Variants in LTK observed in about 807,000 individuals in gnomAD.
The protein encoded by LTK is leukocyte tyrosine kinase receptor.
A neutral mutation model predicts 101.5 loss-of-function variants in LTK; 117 were observed. That is an observed-to-expected ratio of 1.15 (90% CI 0.99 to 1.34). LTK has a LOEUF of 1.34. Ranked by LOEUF, LTK falls within the 40% of genes most tolerant of loss-of-function variation. The pLI is 0.00. For missense variants in LTK, 1,252 were observed against 1,164.7 expected, an observed-to-expected ratio of 1.07 and a Z score of -1.09; for synonymous variants, 563 against 494.2, an observed-to-expected ratio of 1.14 and a Z score of -1.85.
chr15:41,511,227 C>A lies in LTK; in HGVS notation c.934G>T (p.Ala312Ser). 1 of 1,402,434 alleles carries A rather than the reference C, an allele frequency of 7.1e-7. No homozygotes were observed. 86.9% of individuals were successfully genotyped at this position (1,402,434 alleles called of 1,614,324 possible). A position where few individuals can be genotyped will look rare whatever the true frequency, so the allele number is the denominator to read the frequency against. ...CCGCCGCCGCCCCCGAAGCCGCCGG[C>A]CGCGGCCCAGCCAAGGGTCGCCCAA... ...EAWATLGWAA[A>S]GGFGGGGGAC... is the part of the protein sequence containing the mutation. The change falls in exon 7 of 20, where the codon GCC (alanine) becomes TCC (serine). Residue 312 changes from alanine to serine, a missense_variant. Coordinates refer to ENST00000263800, the MANE Select transcript of LTK (RefSeq NM_002344.6). The surrounding 1 kb of genome is among the most constrained non-coding windows in gnomAD (Gnocchi z 5.9).
chr15:41,512,228 T>C lies in LTK; in HGVS notation c.397A>G (p.Lys133Glu), dbSNP rs1002984932. The C allele has an allele frequency of 1.2e-6, 2 of 1,612,796 alleles. No individual in the cohort carries two copies. The highest frequency in any genetic ancestry group is 8.5e-7 in the Non-Finnish European group (1 of 1,179,772). ...CCATGCGCCCGCGACAGGTGGTTCT[T>C]GGCGCCTTTGCCGCCCGCGGCTCCG... ...AYGAAGGKGA[K>E]NHLSRAHGVF... Residue 133 changes from lysine (K) to glutamate (E), a missense_variant, in exon 4 of 20, where the codon AAG (lysine) becomes GAG (glutamate). Coordinates refer to ENST00000263800, the MANE Select transcript of LTK (RefSeq NM_002344.6).
intron 1 of LTK, among the ~76,000 whole-genome samples, 192 bp from the exon 2 acceptor site, chr15:41,513,312 T>G (rs561558405): frequency 6.6e-6 from 1 of 152,262 alleles, no homozygotes; most frequent in East Asian, 1.9e-4. Flanking sequence ...CTGATAGGTC[T>G]GCCAGTTTCT....
chr15:41,506,985 A>G, intron 11 of LTK, 110 bp downstream of exon 11: 1 of 1,046,810 alleles, frequency 9.6e-7, no homozygotes, highest in South Asian at 1.5e-5. Context: ...CCCTTACACA[A>G]GGGATGTGGG....
chr15:41,505,684 TC>T (rs2051253936), intron 13 of LTK, 28 bp downstream of exon 13: 2 of 1,613,066 alleles, frequency 1.2e-6, no homozygotes, highest in Non-Finnish European at 1.7e-6. Flanking sequence ...CCTCCCGCCT[TC>T]CAGCCCTGCC....
chr15:41,511,363 GGA>G lies in LTK; in HGVS notation c.815-19_815-18del, dbSNP rs759877074. ...CCCCACCACCTGCAGAGCGACAGCA[GGA>G]AGGTTGGCAGCCACACGGGGAGCAC... On this transcript the variant is annotated intron_variant, in intron 6 of 19. Coordinates refer to ENST00000263800, the MANE Select transcript of LTK (RefSeq NM_002344.6). The surrounding 1 kb of genome is among the most constrained non-coding windows in gnomAD (Gnocchi z 5.9). The G allele has an allele frequency of 2.2e-6, 3 of 1,361,848 alleles. No homozygotes were observed. The highest frequency in any genetic ancestry group is 4.7e-4 in the Middle Eastern group (2 of 4,296). 84.4% of individuals were successfully genotyped at this position (1,361,848 alleles called of 1,614,324 possible).
In LTK at chr15:41,513,674, T is replaced by A. The variant is rs780525139; in HGVS notation, c.36A>T (p.Gly12=). Residue 12 remains glycine (G), a synonymous_variant, in exon 1 of 20, where the codon GGA becomes GGT. Coordinates refer to ENST00000263800, the MANE Select transcript of LTK (RefSeq NM_002344.6). ...CCGCCAGATAGCACTTACCCGCGGC[T>A]CCGAACCACACCAGCAGCTGTCCCC... is the stretch of plus-strand genomic sequence containing the variant. The part of the protein sequence containing the change: ...GCWGQLLVWF[G]AAGAILCSSP... 6.2e-7 allele frequency: 1 copy of A among 1,612,716 alleles called. No homozygotes were observed. The highest frequency in any genetic ancestry group is 8.5e-7 in the Non-Finnish European group (1 of 1,179,648).
chr15:41,506,489 G>A (rs2051288553), intron 11 of LTK, among the ~76,000 whole-genome samples: 1 of 151,776 alleles, frequency 6.6e-6, no homozygotes, highest in Admixed American at 6.6e-5. Context: ...GTTTTTAGTA[G>A]ACACAGGGTT....
intron 11 of LTK, 131 bp from the exon 12 acceptor site, chr15:41,506,136 A>C: frequency 6.6e-6 from 4 of 605,112 alleles, no homozygotes; most frequent in Non-Finnish European, 6.0e-6. Flanking sequence ...TCTCCATACC[A>C]TGGCATGTCC....
rs758874896 is a variant in LTK, at chr15:41,511,220, C to A, written c.941G>T (p.Gly314Val). The change falls in exon 7 of 20, where the codon GGC becomes GTC. Residue 314 changes from glycine (G) to valine (V), a missense_variant. Coordinates refer to ENST00000263800, the MANE Select transcript of LTK (RefSeq NM_002344.6). This position sits in a 1 kb window ranked among gnomAD's most constrained non-coding sequence, Gnocchi z 5.9. Reference protein sequence around the residue: ...WATLGWAAAGGFGGGGGACTA... With the variant: ...WATLGWAAAGVFGGGGGACTA... Reference sequence around the variant, plus strand: ...GCAGGCCCCGCCGCCGCCCCCGAAGCCGCCGGCCGCGGCCCAGCCAAGGGT... The same window carrying A: ...GCAGGCCCCGCCGCCGCCCCCGAAGACGCCGGCCGCGGCCCAGCCAAGGGT... The A allele has an allele frequency of 7.2e-7, 1 of 1,392,462 alleles. No individual in the cohort carries two copies. Among genetic ancestry groups the A allele is most frequent in the African/African-American group, 1.5e-5 (1 of 65,720 alleles). The allele number at this position is 1,392,462 out of a possible 1,614,324, so 86.3% of individuals were successfully genotyped here.
intron 8 of LTK, 99 bp from the exon 9 acceptor site, chr15:41,508,320 G>T: frequency 9.5e-7 from 1 of 1,055,442 alleles, no homozygotes; most frequent in African/African-American, 1.6e-5. Context: ...TATAATCATT[G>T]CACTTTGGGA....
Position 41,505,299 on chromosome 15 carries a change from G to A in LTK, c.1834C>T (p.Pro612Ser). The part of the protein sequence containing the change: ...LRHSRPHLGQ[P>S]SPLVMRDLLQ... ...AGGTCCCGCATGACCAGAGGTGATG[G>A]CTGGCCCTGGGTCAGGCAGAGGGGG... Residue 612 changes from proline (P) to serine (S), a missense_variant, in exon 15 of 20, where the codon CCA (proline) becomes TCA (serine). By Grantham distance (74) the Pro-to-Ser change is moderately conservative. Transcript: ENST00000263800. 6.2e-7 allele frequency: 1 copy of A among 1,613,898 alleles called. No homozygotes were observed. Among genetic ancestry groups the A allele is most frequent in the Non-Finnish European group, 8.5e-7 (1 of 1,179,884 alleles).
rs1214263451 is a variant in LTK at position 41,507,783 on chromosome 15, G to A, written c.1250-126C>T. ...CCATGATGCCTTCCCCCATTATCCTGGGCAAAAGCAACCTCTCCCTCTTGA... is the reference window on the plus strand; with the variant it reads ...CCATGATGCCTTCCCCCATTATCCTAGGCAAAAGCAACCTCTCCCTCTTGA... On this transcript the variant is annotated intron_variant, in intron 9 of 19. Transcript: ENST00000263800. The A allele has an allele frequency of 2.8e-6, 3 of 1,061,992 alleles. No homozygotes were observed. In the African/African-American group the frequency reaches 4.8e-5, roughly 17 times the overall value. The allele number at this position is 1,061,992 out of a possible 1,614,324, so 65.8% of individuals were successfully genotyped here.
At chr15:41,513,540 G>A in intron 1 of LTK, 127 bp downstream of exon 1, 2 of 869,116 alleles carry the variant, frequency 2.3e-6, no homozygotes, top group Non-Finnish European at 3.9e-6. Flanking sequence ...ACGGACCGGA[G>A]AAATTTGGCT....
chr15:41,512,231 C>A lies in LTK; in HGVS notation c.394G>T (p.Ala132Ser), dbSNP rs763872314. 2.5e-6 allele frequency: 4 copies of A among 1,612,732 alleles called. No individual in the cohort carries two copies. The highest frequency in any genetic ancestry group is 1.3e-5 in the African/African-American group (1 of 74,922). Residue 132 changes from alanine to serine, a missense_variant, in exon 4 of 20, where the codon GCC (alanine) becomes TCC (serine). By Grantham distance (99) the Ala-to-Ser change is moderately conservative. Transcript: ENST00000263800. ...SAYGAAGGKG[A>S]KNHLSRAHGV... ...TGCGCCCGCGACAGGTGGTTCTTGG[C>A]GCCTTTGCCGCCCGCGGCTCCGTAG...
chr15:41,508,352 G>A lies in LTK; in HGVS notation c.1097-131C>T, dbSNP rs149981027. ...GGGAGGCCGTGGTGAGCGGATCACC[G>A]GAGGTCAGAAGTTCAAGACCAGCCT... On this transcript the variant is annotated intron_variant, in intron 8 of 19. Transcript: ENST00000263800. The A allele has an allele frequency of 8.6e-4, 598 of 694,784 alleles. 8 individuals carry two copies. In the East Asian group the frequency reaches 0.016, roughly 19 times the overall value. 43.0% of individuals were successfully genotyped at this position (694,784 alleles called of 1,614,324 possible). A position where few individuals can be genotyped will look rare whatever the true frequency, so the allele number is the denominator to read the frequency against.
rs755663662 is a variant in LTK at position 41,513,676 on chromosome 15, C to G, written c.34G>C (p.Gly12Arg). Residue 12 changes from glycine (G) to arginine (R), a missense_variant, in exon 1 of 20, where the codon GGA (glycine) becomes CGA (arginine). Gly to Arg is a moderately radical substitution (Grantham distance 125). Coordinates refer to ENST00000263800, the MANE Select transcript of LTK (RefSeq NM_002344.6). ...GCCAGATAGCACTTACCCGCGGCTCCGAACCACACCAGCAGCTGTCCCCAG... is the reference window on the plus strand; with the variant it reads ...GCCAGATAGCACTTACCCGCGGCTCGGAACCACACCAGCAGCTGTCCCCAG... ...GCWGQLLVWF[G>R]AAGAILCSSP... 1.2e-6 allele frequency: 2 copies of G among 1,613,374 alleles called. No homozygotes were observed. The highest frequency in any genetic ancestry group is 2.7e-5 in the African/African-American group (2 of 74,902).
rs1022621666 is a variant in LTK at position 41,505,150 on chromosome 15, G to A, written c.1925+58C>T. 1.3e-5 allele frequency: 20 copies of A among 1,585,324 alleles called. No homozygotes were observed. The African/African-American group carries it at 2.4e-4, about 19-fold the overall frequency. ...ATTTCCTTAAAAGCTGTGTGGAAGG[G>A]CTGTTCCTTGGGGAGGGAGTTGGGA... On this transcript the variant is annotated intron_variant, in intron 15 of 19. Transcript: ENST00000263800.
Position 41,505,778 on chromosome 15 carries a change from C to T in LTK, c.1633-1G>A. 6.2e-7 allele frequency: 1 copy of T among 1,613,788 alleles called. No individual in the cohort carries two copies. The highest frequency in any genetic ancestry group is 8.5e-7 in the Non-Finnish European group (1 of 1,179,888). On this transcript the variant is annotated splice_acceptor_variant, in intron 12 of 19. Transcript: ENST00000263800. LOFTEE classifies it high-confidence loss of function. The stretch of plus-strand genomic sequence containing the variant: ...GAGGCGAGCAGAGTTCTGGCAGGGT[C>T]TGGGGAGGAAAAGGGCACAGTTTCT...
At chr15:41,510,155 T>C (rs2051407109) in intron 7 of LTK, among the ~76,000 whole-genome samples, 1 of 151,094 alleles carries the variant, frequency 6.6e-6, no homozygotes, top group Non-Finnish European at 1.5e-5. Context: ...TACAGGCATA[T>C]GCCACCACGC....
Sources: gnomAD v4.1 joint callset for allele counts (sites outside exome capture counted in the v4.1 genomes callset) on GRCh38, gnomAD v4.1.1 for gene constraint, Gnocchi (gnomAD v3.1) non-coding constraint, MANE v1.5 for transcripts, NCBI Gene and HGNC (gene_info 2026-07-23, HGNC 2026-07-21) for gene names.